The following SEMA6D variants were observed in gnomAD, a reference collection of about 807,000 sequenced individuals.
The protein encoded by SEMA6D is semaphorin-6D.
In SEMA6D, 35 loss-of-function variants were observed where a neutral mutation model predicts 106.6. The ratio of observed to expected loss-of-function variants is 0.33; its 90% confidence interval spans 0.25 to 0.44. SEMA6D has a LOEUF of 0.44. Among genes scored for constraint, SEMA6D ranks in the 20% least tolerant of loss-of-function variants. SEMA6D has a pLI of 1.00. For missense variants in SEMA6D, 1,185 were observed against 1,345.9 expected (o/e 0.88, Z 1.87); for synonymous variants, 499 against 487.7 (o/e 1.02, Z -0.31).
chr15:47,544,369 T>C (rs2045451191), intron 3 of SEMA6D, among the ~76,000 whole-genome samples: 1 of 152,172 alleles, frequency 6.6e-6, no homozygotes, highest in Non-Finnish European at 1.5e-5. Flanking sequence ...GTCGTTATCA[T>C]CTATTCAACG....
intron 3 of SEMA6D, among the ~76,000 whole-genome samples, chr15:47,506,599 A>ACAC (rs1555382656): frequency 0.021 from 2,866 of 137,828 alleles, 63 homozygotes; most frequent in East Asian, 0.059. Flanking sequence ...CACACACACA[A>ACAC]ACACACACAC....
intron 3 of SEMA6D, 67 bp from the exon 4 acceptor site, chr15:47,760,910 TA>T (rs1567092843): frequency 2.9e-6 from 4 of 1,397,040 alleles, no homozygotes; most frequent in Non-Finnish European, 4.0e-6. Flanking sequence ...TCTGTAAAAA[TA>T]AAAAAGGAAG....
At chr15:47,381,009 C>CA in intron 1 of SEMA6D, among the ~76,000 whole-genome samples, 1 of 152,162 alleles carries the variant, frequency 6.6e-6, no homozygotes, top group Non-Finnish European at 1.5e-5. Context: ...AATTAAAAAA[C>CA]AAGAAAAACA....
Position 47,564,650 on chromosome 15 carries a change from C to A in SEMA6D, c.-86-36215C>A, listed in dbSNP as rs535025885. Among the ~76,000 whole-genome samples, 3 of 152,228 alleles carry A rather than the reference C, an allele frequency of 2.0e-5. No individual in the cohort carries two copies. The East Asian group carries it at 5.8e-4, about 29-fold the overall frequency. ...CCTAGATACTGATAGGGACAGGAGG[C>A]AGAGGAATTCTAGGGAGAAAAGGGC... is the stretch of plus-strand genomic sequence containing the variant. On this transcript the variant is annotated intron_variant, in intron 3 of 19. Coordinates refer to the SEMA6D transcript ENST00000558014.
chr15:47,268,954 C>G (rs1343137983), intron 1 of SEMA6D, among the ~76,000 whole-genome samples: 2 of 151,934 alleles, frequency 1.3e-5, no homozygotes, highest in Admixed American at 6.6e-5. Context: ...TACTATTAAT[C>G]TAGATGTTAC....
chr15:47,571,843 A>ATG (rs978091458), intron 3 of SEMA6D, among the ~76,000 whole-genome samples: 34 of 152,172 alleles, frequency 2.2e-4, no homozygotes, highest in African/African-American at 7.2e-4. Flanking sequence ...TGTATGTGTG[A>ATG]TGTGTGTGTG....
At chr15:47,554,169 G>C (rs765063082) in intron 3 of SEMA6D, among the ~76,000 whole-genome samples, 1 of 152,162 alleles carries the variant, frequency 6.6e-6, no homozygotes, top group Non-Finnish European at 1.5e-5. Flanking sequence ...CTTGCTCAAG[G>C]TCACACAGCT....
In SEMA6D at chr15:47,765,946, C is replaced by T; in HGVS notation, c.1505C>T (p.Ala502Val). 6.3e-7 allele frequency: 1 copy of T among 1,585,462 alleles called. No homozygotes were observed. Among genetic ancestry groups the T allele is most frequent in the Non-Finnish European group, 8.6e-7 (1 of 1,166,496 alleles). ...AAAGATCACCACGCTTTATATGTGG[C>T]GTTCTCTAGCTGCATTATCCGCATC... is the stretch of plus-strand genomic sequence containing the variant. ...LDKDHHALYVAFSSCIIRIPL... is the reference protein window; with the variant it reads ...LDKDHHALYVVFSSCIIRIPL... The change falls in exon 14 of 19, where the codon GCG (alanine) becomes GTG (valine). Residue 502 changes from alanine (A) to valine (V), a missense_variant. Physicochemically the swap from Ala to Val is moderately conservative, Grantham distance 64. This residue lies in a region of SEMA6D where 750 missense variants were observed against 783.5 expected (regional missense o/e 0.96). Transcript: ENST00000536845.
intron 1 of SEMA6D, among the ~76,000 whole-genome samples, chr15:47,742,117 C>T (rs571557135): frequency 2.6e-5 from 4 of 152,108 alleles, no homozygotes; most frequent in East Asian, 1.9e-4. Context: ...GAACTGCAGC[C>T]GTGGAAATAA....
At chr15:47,253,116 GT>G (rs1363559656) in intron 1 of SEMA6D, among the ~76,000 whole-genome samples, 1 of 151,990 alleles carries the variant, frequency 6.6e-6, no homozygotes, top group African/African-American at 2.4e-5. Context: ...ATATTTCACT[GT>G]TTTGATTTGT....
At chr15:47,355,361 TTC>T (rs1471476603) in intron 1 of SEMA6D, among the ~76,000 whole-genome samples, 9 of 152,238 alleles carry the variant, frequency 5.9e-5, no homozygotes, top group African/African-American at 2.2e-4. Context: ...ATTATTTTTC[TTC>T]TGTTTCTAGA....
At chr15:47,715,043 C>T (rs1327958557), upstream of SEMA6D, among the ~76,000 whole-genome samples, 1 of 152,108 alleles carries the variant, frequency 6.6e-6, no homozygotes, top group African/African-American at 2.4e-5. Context: ...AAGAAAAGCA[C>T]TTATGCCCAT....
intron 2 of SEMA6D, 46 bp downstream of exon 2, chr15:47,759,953 T>C (rs1339274368): frequency 1.4e-6 from 2 of 1,395,222 alleles, no homozygotes; most frequent in South Asian, 2.3e-5. Flanking sequence ...AGGAAGCTTT[T>C]CTGTTTTTCA....
chr15:47,651,639 T>C (rs2077693505), intron 4 of SEMA6D, among the ~76,000 whole-genome samples: 1 of 152,234 alleles, frequency 6.6e-6, no homozygotes, highest in South Asian at 2.1e-4. Context: ...AATCCTGGTT[T>C]ATTATCAGGG....
At chr15:47,192,921 T>A (rs1211709987) in intron 1 of SEMA6D, among the ~76,000 whole-genome samples, 1 of 152,192 alleles carries the variant, frequency 6.6e-6, no homozygotes, top group African/African-American at 2.4e-5. Flanking sequence ...GTATATCCAA[T>A]CCACCAAATT....
chr15:47,575,566 A>G (rs2076142175), intron 3 of SEMA6D, among the ~76,000 whole-genome samples: 1 of 152,124 alleles, frequency 6.6e-6, no homozygotes, highest in Admixed American at 6.5e-5. Context: ...GAAACTACAG[A>G]AAATTAGCTG....
intron 1 of SEMA6D, among the ~76,000 whole-genome samples, chr15:47,290,397 G>C (rs1047724789): frequency 1.3e-5 from 2 of 152,128 alleles, no homozygotes; most frequent in African/African-American, 4.8e-5. Flanking sequence ...AAATGAGAGA[G>C]GAAGAGAGAG....
At chr15:47,464,457 C>T (rs1313943204) in intron 2 of SEMA6D, among the ~76,000 whole-genome samples, 3 of 152,022 alleles carry the variant, frequency 2.0e-5, no homozygotes, top group Non-Finnish European at 2.9e-5. Context: ...TGCCTCATGC[C>T]GAACCACTGC....
At chr15:47,743,992 A>G (rs1382184917) in intron 1 of SEMA6D, among the ~76,000 whole-genome samples, 1 of 152,210 alleles carries the variant, frequency 6.6e-6, no homozygotes, top group Non-Finnish European at 1.5e-5. Flanking sequence ...TCTTGTCAGC[A>G]GTATGACCTC....
Sources: gnomAD v4.1 joint callset for allele counts (sites outside exome capture counted in the v4.1 genomes callset) on GRCh38, gnomAD v4.1.1 for gene constraint, gnomAD v4.1.1 regional missense constraint, MANE v1.5 for transcripts, NCBI Gene and HGNC (gene_info 2026-07-23, HGNC 2026-07-21) for gene names.